The following GRIP1 variants were observed in gnomAD, a reference collection of about 807,000 sequenced individuals.
GRIP1 encodes glutamate receptor interacting protein 1, also known as glutamate receptor-interacting protein 1.
In GRIP1, 45 loss-of-function variants were observed where a neutral mutation model predicts 129.9. That is an observed-to-expected ratio of 0.35 (90% CI 0.27 to 0.44). GRIP1 has a LOEUF of 0.44. GRIP1 is among the 20% of genes least tolerant of loss of function. The probability of loss-of-function intolerance (pLI) is 1.00; values close to 1 mark genes in which losing one functional copy is unlikely to be tolerated. For synonymous variants in GRIP1, 530 were observed against 520.8 expected, an observed-to-expected ratio of 1.02 and a Z score of -0.24; for missense variants, 1,196 against 1,396.8, an observed-to-expected ratio of 0.86 and a Z score of 2.29.
intron 23 of GRIP1, among the ~76,000 whole-genome samples, chr12:66,368,363 C>A (rs949801727): frequency 6.6e-6 from 1 of 152,096 alleles, no homozygotes; most frequent in Non-Finnish European, 1.5e-5. Flanking sequence ...TATGAACAGG[C>A]GCACCACTTG....
intron 5 of GRIP1, among the ~76,000 whole-genome samples, 194 bp from the exon 6 acceptor site, chr12:66,518,170 C>A (rs779234789): frequency 1.9e-4 from 29 of 152,126 alleles, no homozygotes; most frequent in Non-Finnish European, 3.1e-4. Context: ...GTCACCATTT[C>A]TCCATCTTTC....
chr12:66,683,505 T>A (rs1565965506), upstream of GRIP1, among the ~76,000 whole-genome samples: 1 of 152,196 alleles, frequency 6.6e-6, no homozygotes. Flanking sequence ...AAAGCAAATA[T>A]TTTATGAGAA....
chr12:66,916,247 C>T (rs1165008448), intron 1 of GRIP1, among the ~76,000 whole-genome samples: 2 of 152,152 alleles, frequency 1.3e-5, no homozygotes, highest in Admixed American at 6.5e-5. Flanking sequence ...GGTTGGGGCC[C>T]CTGCAAATAA....
chr12:66,517,208 A>T (rs1186111050), intron 6 of GRIP1, among the ~76,000 whole-genome samples: 1 of 152,114 alleles, frequency 6.6e-6, no homozygotes, highest in Non-Finnish European at 1.5e-5. Flanking sequence ...TATAGAGTCA[A>T]CTTTTGCTGT....
chr12:66,994,353 A>C (rs1202776439), intron 1 of GRIP1, among the ~76,000 whole-genome samples: 1 of 151,624 alleles, frequency 6.6e-6, no homozygotes, highest in East Asian at 1.9e-4. Flanking sequence ...AAAATCAATT[A>C]AGGTAACATA....
At chr12:66,719,851 C>A (rs923258341) in intron 1 of GRIP1, among the ~76,000 whole-genome samples, 1 of 152,128 alleles carries the variant, frequency 6.6e-6, no homozygotes, top group Non-Finnish European at 1.5e-5. Context: ...GTGGAGGAAA[C>A]CTTGGGGTCA....
intron 1 of GRIP1, among the ~76,000 whole-genome samples, chr12:66,658,686 A>G (rs975238399): frequency 6.6e-6 from 1 of 152,086 alleles, no homozygotes; most frequent in Non-Finnish European, 1.5e-5. Context: ...AGGCAGGAGG[A>G]CTGTTTCAGC....
At chr12:66,440,478 C>A (rs1443684403) in intron 13 of GRIP1, among the ~76,000 whole-genome samples, 2 of 152,198 alleles carry the variant, frequency 1.3e-5, no homozygotes, top group African/African-American at 2.4e-5. Flanking sequence ...CTCTTCCAAG[C>A]CTCTGGTAAC....
chr12:66,981,961 ACT>A (rs1345858178), intron 1 of GRIP1, among the ~76,000 whole-genome samples: 1 of 152,208 alleles, frequency 6.6e-6, no homozygotes, highest in African/African-American at 2.4e-5. Flanking sequence ...GAGAAAAATC[ACT>A]GCTGTTACCT....
At chr12:66,504,873 G>A (rs2060485371) in intron 7 of GRIP1, among the ~76,000 whole-genome samples, 1 of 152,108 alleles carries the variant, frequency 6.6e-6, no homozygotes, top group African/African-American at 2.4e-5. Context: ...CTTTATGCCA[G>A]GCACATTGCT....
chr12:67,016,360 A>G (rs1678057792), intron 1 of GRIP1, among the ~76,000 whole-genome samples: 1 of 152,204 alleles, frequency 6.6e-6, no homozygotes, highest in Non-Finnish European at 1.5e-5. Context: ...TTCTGAAATA[A>G]TCACTAATAT....
chr12:66,387,090 G>A (rs780058187), intron 19 of GRIP1, among the ~76,000 whole-genome samples: 14 of 152,178 alleles, frequency 9.2e-5, no homozygotes, highest in Non-Finnish European at 1.9e-4. Flanking sequence ...AAGAAGTGGA[G>A]AGAAGACACC....
intron 1 of GRIP1, among the ~76,000 whole-genome samples, chr12:67,018,623 G>C (rs1252289): frequency 0.43 from 66,009 of 151,950 alleles, 15,483 homozygotes; most frequent in East Asian, 0.77. Flanking sequence ...CTACAAACCA[G>C]GCAGAAACCA....
intron 1 of GRIP1, among the ~76,000 whole-genome samples, chr12:66,703,969 AG>A (rs2035438587): frequency 6.6e-6 from 1 of 152,108 alleles, no homozygotes; most frequent in Non-Finnish European, 1.5e-5. Context: ...GAAAAAGGGA[AG>A]GAAAAAAACA....
chr12:67,066,080 T>C (rs1465572771), intron 1 of GRIP1, among the ~76,000 whole-genome samples: 2 of 152,228 alleles, frequency 1.3e-5, no homozygotes, highest in African/African-American at 2.4e-5. Flanking sequence ...ACATGTCATT[T>C]TGGAAGTGAC....
rs546046392 is a variant in GRIP1 at position 66,979,023 on chromosome 12, G to GTAGC, written c.58+90023_58+90026dup. 8.2e-4 allele frequency among the ~76,000 whole-genome samples: 125 copies of GTAGC among 152,038 alleles called. 2 individuals carry two copies. Among genetic ancestry groups the GTAGC allele is most frequent in the African/African-American group, 2.9e-3 (120 of 41,456 alleles). ...ATGCCTCAGTCTCTGTGCTAGGTCA[G>GTAGC]TAGCTCCACACCATCTGGGTTCCTC... On this transcript the variant is annotated intron_variant, in intron 1 of 1. Coordinates refer to the GRIP1 transcript ENST00000643019.
At chr12:66,980,815 A>G (rs2042232543) in intron 1 of GRIP1, among the ~76,000 whole-genome samples, 1 of 152,190 alleles carries the variant, frequency 6.6e-6, no homozygotes, top group African/African-American at 2.4e-5. Flanking sequence ...TTACAAATCC[A>G]CACTGGATGT....
chr12:66,595,164 A>C (rs1384653111), intron 2 of GRIP1, among the ~76,000 whole-genome samples: 1 of 152,232 alleles, frequency 6.6e-6, no homozygotes, highest in African/African-American at 2.4e-5. Flanking sequence ...CCAGGAAAAC[A>C]TCTCGTAAAA....
In GRIP1 at chr12:66,782,875, G is replaced by C. The variant is rs143985848; in HGVS notation, c.-420+21178C>G. ...CAGAGAAGGAAACTGAAGATGGTTAGAGAAGTTAACATACTTTGACAAAAT... is the reference window on the plus strand; with the variant it reads ...CAGAGAAGGAAACTGAAGATGGTTACAGAAGTTAACATACTTTGACAAAAT... On this transcript the variant is annotated intron_variant, in intron 1 of 4. Coordinates refer to the GRIP1 transcript ENST00000538373. Among the ~76,000 whole-genome samples, 575 of 152,302 alleles carry C rather than the reference G, an allele frequency of 3.8e-3. 5 individuals carry two copies. Among genetic ancestry groups the C allele is most frequent in the African/African-American group, 0.012 (503 of 41,566 alleles).
Sources: allele counts gnomAD v4.1 joint callset (sites outside exome capture counted in the v4.1 genomes callset), GRCh38; gene constraint gnomAD v4.1.1; transcripts MANE v1.5; gene names NCBI Gene and HGNC (gene_info 2026-07-23, HGNC 2026-07-21).